Variants in DOP1B observed in about 807,000 individuals in gnomAD.
The protein encoded by DOP1B is protein DOP1B.
A neutral mutation model predicts 233.5 loss-of-function variants in DOP1B; 174 were observed. The ratio of observed to expected loss-of-function variants is 0.75; its 90% CI spans 0.66 to 0.85. The LOEUF (loss-of-function observed/expected upper bound fraction) is 0.85, where lower values mean the gene tolerates loss of function less well. Among genes scored for constraint, DOP1B ranks in the 40% least tolerant of loss-of-function variants. The pLI, the probability that DOP1B is intolerant of heterozygous loss-of-function variation, is 0.00. For synonymous variants in DOP1B, 1,190 were observed against 1,185.6 expected, an observed-to-expected ratio of 1.00 and a Z score of -0.08; for missense variants, 2,652 against 2,846.6, an observed-to-expected ratio of 0.93 and a Z score of 1.56.
intron 27 of DOP1B, among the ~76,000 whole-genome samples, chr21:36,273,051 G>C (rs187838727): frequency 9.4e-5 from 14 of 149,262 alleles, no homozygotes; most frequent in Admixed American, 4.7e-4. Context: ...GCAGTGAGTC[G>C]AGATGGCGTC....
rs114470409 is a variant in DOP1B at position 36,164,289 on chromosome 21, C to G, written c.-26-419C>G. Among the ~76,000 whole-genome samples the G allele has an allele frequency of 5.6e-3, 859 of 152,314 alleles. 7 individuals are homozygous for G. The highest frequency in any genetic ancestry group is 0.018 in the African/African-American group (749 of 41,558). The stretch of plus-strand genomic sequence containing the variant: ...AGTGACCCGTGATCGTGCCACTGCA[C>G]TGCAGCCTGGGTGGCAGAGTAAGAC... On this transcript the variant is annotated intron_variant, in intron 1 of 36. Coordinates refer to ENST00000691173, the MANE Select transcript of DOP1B (RefSeq NM_001320714.2).
chr21:36,189,093 A>G lies in DOP1B; in HGVS notation c.139-9977A>G, dbSNP rs140964003. ...TCCCTACACAGAATGCTTCTAAATCATGCCGTGTCCTGGGGACTGTCATAC... is the reference window on the plus strand; with the variant it reads ...TCCCTACACAGAATGCTTCTAAATCGTGCCGTGTCCTGGGGACTGTCATAC... On this transcript the variant is annotated intron_variant, in intron 2 of 36. Coordinates refer to ENST00000691173, the MANE Select transcript of DOP1B (RefSeq NM_001320714.2). 1.7e-3 allele frequency among the ~76,000 whole-genome samples: 252 copies of G among 152,324 alleles called. 1 individual carries two copies. Among genetic ancestry groups the G allele is most frequent in the Middle Eastern group, 6.8e-3 (2 of 294 alleles).
Position 36,200,552 on chromosome 21 carries a change from G to T in DOP1B, c.491+51G>T, listed in dbSNP as rs546628519. On this transcript the variant is annotated intron_variant, in intron 4 of 36. Transcript: ENST00000691173. Reference sequence around the variant, plus strand: ...TGTTTACTCCACTGCTTTATAAGACGCGGGGAGGGGGCCGGGCGCAGTGGC... The same window carrying T: ...TGTTTACTCCACTGCTTTATAAGACTCGGGGAGGGGGCCGGGCGCAGTGGC... The T allele has an allele frequency of 2.4e-4, 367 of 1,531,550 alleles. 4 individuals carry two copies. The South Asian group carries it at 4.2e-3, about 18-fold the overall frequency. 94.9% of individuals were successfully genotyped at this position (1,531,550 alleles called of 1,614,324 possible). A position where few individuals can be genotyped will look rare whatever the true frequency, so the allele number is the denominator to read the frequency against.
chr21:36,267,777 G>A (rs2067247117), intron 26 of DOP1B, among the ~76,000 whole-genome samples: 1 of 152,014 alleles, frequency 6.6e-6, no homozygotes, highest in East Asian at 1.9e-4. Context: ...TTACAGCTGG[G>A]CCACCAGGGG....
chr21:36,225,768 A>C, intron 12 of DOP1B, 101 bp downstream of exon 12: 2 of 1,178,940 alleles, frequency 1.7e-6, no homozygotes, highest in Non-Finnish European at 2.5e-6. Context: ...AAAATGTTTT[A>C]CATAAATATG....
intron 10 of DOP1B, 113 bp downstream of exon 10, chr21:36,219,605 A>T: frequency 7.0e-7 from 1 of 1,427,516 alleles, no homozygotes; most frequent in Non-Finnish European, 9.5e-7. Flanking sequence ...GCAGAGATGC[A>T]GCAGGTGAGA....
Position 36,199,231 on chromosome 21 carries a change from C to A in DOP1B, c.300C>A (p.Ala100=), listed in dbSNP as rs1448942622. The stretch of plus-strand genomic sequence containing the variant: ...AAATCGTGGGGACCAAATGGCTGGC[C>A]AAGGACTTGTTTCTGTACAGGTGCG... ...IFKIVGTKWL[A]KDLFLYSCGL... Residue 100 remains alanine (A), a synonymous_variant, in exon 3 of 37, where the codon GCC becomes GCA. Coordinates refer to ENST00000691173, the MANE Select transcript of DOP1B (RefSeq NM_001320714.2). 6 of 1,613,804 alleles carry A rather than the reference C, an allele frequency of 3.7e-6. No individual in the cohort carries two copies. In the African/African-American group the frequency reaches 8.0e-5, roughly 22 times the overall value.
chr21:36,188,865 A>G (rs906126187), intron 2 of DOP1B, among the ~76,000 whole-genome samples: 10 of 152,236 alleles, frequency 6.6e-5, no homozygotes, highest in African/African-American at 2.4e-4. Flanking sequence ...GGCTAAATAA[A>G]GCGTTTTAAA....
At chr21:36,226,600 C>T (rs529807801) in intron 12 of DOP1B, among the ~76,000 whole-genome samples, 1 of 150,622 alleles carries the variant, frequency 6.6e-6, no homozygotes, top group Admixed American at 6.6e-5. Flanking sequence ...TGCCCATCCT[C>T]TTTTCTCTTT....
At chr21:36,169,326 T>C in intron 2 of DOP1B, 2 of 781,732 alleles carry the variant, frequency 2.6e-6, no homozygotes, top group East Asian at 2.5e-5. Context: ...TGGTCAATCT[T>C]ACAGATCTTC....
In DOP1B at chr21:36,230,853, C is replaced by T. The variant is rs1569037138; in HGVS notation, c.2069C>T (p.Pro690Leu). The change falls in exon 14 of 37, where the codon CCT (proline) becomes CTT (leucine). Residue 690 changes from proline (P) to leucine (L), a missense_variant. Transcript: ENST00000691173. ...TGGGAGCCCAAGCCCATCACTGTGC[C>T]TCAGTTCAAGCAGATGCTGTCAGAC... ...NSWEPKPITV[P>L]QFKQMLSDLF... 2 of 1,614,072 alleles carry T rather than the reference C, an allele frequency of 1.2e-6. No individual in the cohort carries two copies. The highest frequency in any genetic ancestry group is 1.7e-5 in the Admixed American group (1 of 60,010).
rs151169283 is a variant in DOP1B, at chr21:36,236,863, C to T, written c.2623-399C>T. 3.4e-5 allele frequency among the ~76,000 whole-genome samples: 5 copies of T among 147,524 alleles called. No homozygotes were observed. In the East Asian group the frequency reaches 1.0e-3, roughly 30 times the overall value. On this transcript the variant is annotated intron_variant, in intron 15 of 36. Coordinates refer to ENST00000691173, the MANE Select transcript of DOP1B (RefSeq NM_001320714.2). ...ATGATCTCAGGATCTCAGCTCACTG[C>T]AACCTCCGCCTCCTGGATTCAAGTG... is the stretch of plus-strand genomic sequence containing the variant.
intron 2 of DOP1B, chr21:36,168,995 C>T (rs182403117): frequency 1.7e-4 from 130 of 749,372 alleles, no homozygotes; most frequent in African/African-American, 1.5e-3. Flanking sequence ...CTTTGCAATT[C>T]GGTCTTTCTC....
At chr21:36,278,166 C>G (rs2067375199) in intron 29 of DOP1B, 43 bp from the exon 30 acceptor site, 4 of 1,613,214 alleles carry the variant, frequency 2.5e-6, no homozygotes, top group Middle Eastern at 1.6e-4. Flanking sequence ...TTTCCTTGGA[C>G]AGTCCTTGAC....
In DOP1B at chr21:36,164,669, A is replaced by G. The variant is rs189942051; in HGVS notation, c.-26-39A>G. 38 of 1,473,318 alleles carry G rather than the reference A, an allele frequency of 2.6e-5. No homozygotes were observed. The East Asian group carries it at 7.3e-4, about 28-fold the overall frequency. The allele number at this position is 1,473,318 out of a possible 1,614,324, so 91.3% of individuals were successfully genotyped here. A position where few individuals can be genotyped will look rare whatever the true frequency, so the allele number is the denominator to read the frequency against. On this transcript the variant is annotated intron_variant, in intron 1 of 36. Coordinates refer to ENST00000691173, the MANE Select transcript of DOP1B (RefSeq NM_001320714.2). ...GGTTGGGAATGATTTGTATCCCCAA[A>G]TGGCTCTCTCATTTGGTTATTTTTT...
At chr21:36,273,443 A>G (rs2067313869) in intron 27 of DOP1B, among the ~76,000 whole-genome samples, 1 of 152,174 alleles carries the variant, frequency 6.6e-6, no homozygotes, top group South Asian at 2.1e-4. Context: ...GACTAAAAGA[A>G]AGTAAATTAC....
intron 2 of DOP1B, among the ~76,000 whole-genome samples, chr21:36,165,560 C>A (rs1016266512): frequency 3.7e-4 from 57 of 152,204 alleles, no homozygotes; most frequent in African/African-American, 1.4e-3. Context: ...CTATTAGGAA[C>A]CGGGACGCAC....
intron 18 of DOP1B, 89 bp from the exon 19 acceptor site, chr21:36,244,959 G>T: frequency 7.5e-7 from 1 of 1,328,044 alleles, no homozygotes; most frequent in African/African-American, 1.5e-5. Flanking sequence ...TGATCTTTCT[G>T]TCTGGCTTTA....
intron 2 of DOP1B, among the ~76,000 whole-genome samples, chr21:36,188,333 C>T (rs144898285): frequency 2.7e-4 from 41 of 152,334 alleles, no homozygotes; most frequent in African/African-American, 9.1e-4. Flanking sequence ...CCTGAGATGG[C>T]TCTCGGCAGC....
Sources: gnomAD v4.1 joint callset for allele counts (sites outside exome capture counted in the v4.1 genomes callset) on GRCh38, gnomAD v4.1.1 for gene constraint, MANE v1.5 for transcripts, NCBI Gene and HGNC (gene_info 2026-07-23, HGNC 2026-07-21) for gene names.